PARG: variants seen among roughly 807,000 people sequenced by gnomAD.
The protein encoded by PARG is mitochondrial poly(ADP-ribose) glycohydrolase.
Under a neutral mutation model 113.0 loss-of-function variants are expected in PARG, and 35 were observed. That is an observed-to-expected ratio of 0.31 (90% CI 0.24 to 0.41). The LOEUF (loss-of-function observed/expected upper bound fraction) is 0.41, where lower values mean the gene tolerates loss of function less well. PARG is among the 10% of genes least tolerant of loss of function. The pLI, the probability that PARG is intolerant of heterozygous loss-of-function variation, is 1.00. For missense variants in PARG, 797 were observed against 1,169.4 expected (o/e 0.68, Z 4.64); for synonymous variants, 330 against 409.9 (o/e 0.81, Z 2.36).
chr10:49,844,477 G>T (rs1845404053), intron 13 of PARG, among the ~76,000 whole-genome samples: 1 of 152,010 alleles, frequency 6.6e-6, no homozygotes, highest in Non-Finnish European at 1.5e-5. Flanking sequence ...ACAAAAATTA[G>T]CTGGGCATTG....
At chr10:49,901,416 A>T (rs1418226971) in intron 7 of PARG, among the ~76,000 whole-genome samples, 1 of 148,788 alleles carries the variant, frequency 6.7e-6, no homozygotes, top group Non-Finnish European at 1.5e-5. Flanking sequence ...ACCCAGACTT[A>T]AGTAATTTTT....
chr10:49,920,794 G>A (rs187742923), intron 6 of PARG, among the ~76,000 whole-genome samples: 675 of 151,754 alleles, frequency 4.4e-3, no homozygotes, highest in East Asian at 0.017. Flanking sequence ...AGTGGTTAGC[G>A]TATTGCTGGT....
In PARG at chr10:49,818,347, CG is replaced by C; in HGVS notation, c.*992del. 6.6e-6 allele frequency: 1 copy of C among 152,514 alleles called. No homozygotes were observed. The highest frequency in any genetic ancestry group is 1.9e-4 in the East Asian group (1 of 5,186). 9.4% of individuals were successfully genotyped at this position (152,514 alleles called of 1,614,324 possible). A position where few individuals can be genotyped will look rare whatever the true frequency, so the allele number is the denominator to read the frequency against. Reference sequence around the variant, plus strand: ...CATATAGACACACTTAAAGAGCATACGTTTATATATACATATATAAAATATA... The same window carrying C: ...CATATAGACACACTTAAAGAGCATACTTTATATATACATATATAAAATATA... On this transcript the variant is annotated 3_prime_UTR_variant, in exon 18 of 18. Transcript: ENST00000616448.
intron 10 of PARG, chr10:49,866,991 G>T (rs1846546524): frequency 7.1e-6 from 1 of 140,626 alleles, no homozygotes; most frequent in Non-Finnish European, 1.6e-5. Flanking sequence ...TGGAATTCTA[G>T]TTTATCAATT....
Position 49,902,764 on chromosome 10 carries a change from G to A in PARG, c.1737+13153C>T, listed in dbSNP as rs571459894. Among the ~76,000 whole-genome samples the A allele has an allele frequency of 9.9e-5, 15 of 152,282 alleles. No homozygotes were observed. The South Asian group carries it at 2.9e-3, about 29-fold the overall frequency. On this transcript the variant is annotated intron_variant, in intron 7 of 17. Transcript: ENST00000616448. ...TCAGCACTCTGGGAGGCCAAAGCGG[G>A]AGGATCGCTTAAGGGCAAGTGTTTA...
intron 7 of PARG, among the ~76,000 whole-genome samples, chr10:49,903,622 T>G (rs1446895884): frequency 6.6e-6 from 1 of 152,094 alleles, no homozygotes; most frequent in Non-Finnish European, 1.5e-5. Context: ...GGTACTACTG[T>G]GAGCACACAG....
intron 7 of PARG, among the ~76,000 whole-genome samples, chr10:49,910,232 T>G: frequency 6.6e-6 from 1 of 152,044 alleles, no homozygotes; most frequent in Admixed American, 6.5e-5. Context: ...CAAGAGATGA[T>G]AGGAGAATGC....
At chr10:49,876,686 G>A (rs1846953986) in intron 9 of PARG, among the ~76,000 whole-genome samples, 1 of 152,052 alleles carries the variant, frequency 6.6e-6, no homozygotes, top group African/African-American at 2.4e-5. Flanking sequence ...AAGGGCATCT[G>A]TGACGTGAGG....
intron 7 of PARG, among the ~76,000 whole-genome samples, chr10:49,896,265 A>G (rs1848081061): frequency 6.6e-6 from 1 of 152,072 alleles, no homozygotes; most frequent in Admixed American, 6.6e-5. Context: ...CATAGTTGTT[A>G]ATAGTTTTGT....
At chr10:49,925,280 GC>G (rs1554850290) in intron 4 of PARG, among the ~76,000 whole-genome samples, 1 of 152,056 alleles carries the variant, frequency 6.6e-6, no homozygotes, top group Admixed American at 6.6e-5. Context: ...GAGCTCTGAA[GC>G]CTGTTACCTA....
chr10:49,937,948 G>A (rs1838830640), intron 1 of PARG, among the ~76,000 whole-genome samples: 1 of 152,180 alleles, frequency 6.6e-6, no homozygotes, highest in Non-Finnish European at 1.5e-5. Context: ...GCACACCACA[G>A]GACTGTGTCA....
At chr10:49,922,283 G>C (rs1331249515) in intron 6 of PARG, 53 bp downstream of exon 6, 2 of 1,548,034 alleles carry the variant, frequency 1.3e-6, no homozygotes, top group Non-Finnish European at 1.7e-6. Flanking sequence ...AAAAGTCTTT[G>C]AAAGAGGAGA....
chr10:49,935,201 T>C, intron 1 of PARG, 59 bp from the exon 2 acceptor site: 1 of 671,230 alleles, frequency 1.5e-6, no homozygotes, highest in Non-Finnish European at 2.7e-6. Flanking sequence ...TACAGCATAT[T>C]GTACATGCAA....
chr10:49,862,194 T>C (rs1459022675), intron 11 of PARG, among the ~76,000 whole-genome samples: 2 of 151,828 alleles, frequency 1.3e-5, no homozygotes, highest in Non-Finnish European at 2.9e-5. Context: ...TTAGTACCTG[T>C]AATTTAGAAG....
At chr10:49,820,137 C>T (rs942218682) in intron 17 of PARG, 28 bp downstream of exon 17, 4 of 1,484,510 alleles carry the variant, frequency 2.7e-6, no homozygotes, top group Non-Finnish European at 3.7e-6. Context: ...CATCTAGATA[C>T]CAAGTGTCAA....
rs1397130075 is a variant in PARG, at chr10:49,941,616, C to A, written c.110G>T (p.Arg37Leu). The A allele has an allele frequency of 2.2e-4, 344 of 1,587,434 alleles. 1 individual carries two copies. In the African/African-American group the frequency reaches 3.9e-3, roughly 18 times the overall value. The change falls in exon 1 of 18, where the codon CGC becomes CTC. Residue 37 changes from arginine to leucine, a missense_variant. Around this residue, in one of 5 missense-constraint regions of PARG, gnomAD observed 284 missense variants for 306.1 expected, o/e 0.93. Transcript: ENST00000616448. The part of the protein sequence containing the change: ...DARSFPSRQR[R>L]VLDPKDAHVQ... ...GTGAGCGTCCTTGGGGTCGAGGACG[C>A]GCCTCTGCCTGCTGGGAAAGCTCCG... is the stretch of plus-strand genomic sequence containing the variant.
intron 16 of PARG, among the ~76,000 whole-genome samples, chr10:49,825,958 T>G (rs1332553240): frequency 2.0e-5 from 3 of 151,028 alleles, no homozygotes; most frequent in Non-Finnish European, 4.4e-5. Context: ...GATTTCATTG[T>G]TTTTTTGGTA....
chr10:49,888,769 AT>A (rs1313272966), intron 7 of PARG, among the ~76,000 whole-genome samples: 6 of 152,158 alleles, frequency 3.9e-5, no homozygotes, highest in Non-Finnish European at 8.8e-5. Flanking sequence ...CTTTTGTCAA[AT>A]TTTGGAAGTT....
At position 49,942,011 on chromosome 10, in the gene PARG, C is replaced by A. The variant is rs1305610924; in HGVS notation, c.-286G>T. ...GAAAGCTGCCGTCAGGCGCTTCCGG[C>A]TTCCGGGGCGCACACTGCCGCAAAG... On this transcript the variant is annotated 5_prime_UTR_variant, in exon 1 of 18. Transcript: ENST00000616448. The A allele has an allele frequency of 4.9e-5, 49 of 997,522 alleles. No homozygotes were observed. Among genetic ancestry groups the A allele is most frequent in the Non-Finnish European group, 5.9e-6 (4 of 677,338 alleles). The allele number at this position is 997,522 out of a possible 1,614,324, so 61.8% of individuals were successfully genotyped here.
Sources: allele counts gnomAD v4.1 joint callset (sites outside exome capture counted in the v4.1 genomes callset), GRCh38; gene constraint gnomAD v4.1.1; regional missense constraint gnomAD v4.1.1; transcripts MANE v1.5; gene names NCBI Gene and HGNC (gene_info 2026-07-23, HGNC 2026-07-21).